DPF3: variants seen among roughly 807,000 people sequenced by gnomAD.
DPF3 encodes the protein double PHD fingers 3.
A neutral mutation model predicts 56.8 loss-of-function variants in DPF3; 18 were observed. The ratio of observed to expected loss-of-function variants is 0.32; its 90% CI spans 0.22 to 0.47. The LOEUF is 0.47. DPF3 is among the 20% of genes least tolerant of loss of function. The probability of loss-of-function intolerance (pLI) is 1.00; values close to 1 mark genes in which losing one functional copy is unlikely to be tolerated. For missense variants in DPF3, 403 were observed against 488.8 expected (o/e 0.82, Z 1.65); for synonymous variants, 188 against 180.2 (o/e 1.04, Z -0.35).
chr14:72,765,066 C>T (rs1175195422), intron 2 of DPF3, among the ~76,000 whole-genome samples: 1 of 152,198 alleles, frequency 6.6e-6, no homozygotes, highest in African/African-American at 2.4e-5. Flanking sequence ...CACACATCTG[C>T]TCACAGAAAT....
intron 1 of DPF3, among the ~76,000 whole-genome samples, chr14:72,787,682 A>C (rs2139976036): frequency 6.6e-6 from 1 of 152,250 alleles, no homozygotes; most frequent in South Asian, 2.1e-4. Flanking sequence ...TTGGCTGATA[A>C]ATGATAAAGT....
intron 5 of DPF3, among the ~76,000 whole-genome samples, chr14:72,722,468 A>G (rs927377636): frequency 2.6e-5 from 4 of 152,178 alleles, no homozygotes; most frequent in African/African-American, 7.2e-5. Flanking sequence ...CTAAAGCAGA[A>G]TTTCTGAGTG....
intron 1 of DPF3, among the ~76,000 whole-genome samples, chr14:72,773,481 C>G (rs917965945): frequency 6.6e-6 from 1 of 152,178 alleles, no homozygotes; most frequent in Non-Finnish European, 1.5e-5. Context: ...AATTTCCCAT[C>G]TTAAGTGTAC....
intron 1 of DPF3, among the ~76,000 whole-genome samples, chr14:72,778,994 A>G (rs925191724): frequency 6.6e-6 from 1 of 152,214 alleles, no homozygotes; most frequent in African/African-American, 2.4e-5. Context: ...ATCAGCGTCA[A>G]TATGAAGGCC....
chr14:72,738,758 A>C (rs1407350429), intron 3 of DPF3, among the ~76,000 whole-genome samples: 2 of 152,202 alleles, frequency 1.3e-5, no homozygotes, highest in African/African-American at 4.8e-5. Context: ...AAGAGAGTCA[A>C]TCTTAAATGT....
chr14:72,693,725 C>A (rs1448566529), intron 6 of DPF3, among the ~76,000 whole-genome samples: 1 of 152,196 alleles, frequency 6.6e-6, no homozygotes, highest in African/African-American at 2.4e-5. Flanking sequence ...AAGTGACTTG[C>A]CCAGGAGCAC....
rs558647453 is a variant in DPF3, at chr14:72,792,577, G to A, written c.33-20684C>T. On this transcript the variant is annotated intron_variant, in intron 1 of 10. Coordinates refer to ENST00000556509, the MANE Select transcript of DPF3 (RefSeq NM_001280542.3). ...CACACCATGGACTCCTGGAGAACCC[G>A]GCTCAGCACAGCCTCCCGACCTTGG... Among the ~76,000 whole-genome samples, 7 of 152,192 alleles carry A rather than the reference G, an allele frequency of 4.6e-5. No homozygotes were observed. The East Asian group carries it at 7.7e-4, about 17-fold the overall frequency.
rs1883805883 is a variant in DPF3, at chr14:72,612,628, C to T, written c.*6669G>A. On this transcript the variant is annotated 3_prime_UTR_variant, in exon 11 of 11. Coordinates refer to ENST00000556509, the MANE Select transcript of DPF3 (RefSeq NM_001280542.3). The stretch of plus-strand genomic sequence containing the variant: ...GAGGGCAGGAGGAGAATCAGGGTCT[C>T]AGTGGGGAGTAGACATGGAAGGGCA... The T allele has an allele frequency of 1.9e-6, 1 of 518,742 alleles. No homozygotes were observed. The highest frequency in any genetic ancestry group is 3.8e-6 in the Non-Finnish European group (1 of 259,832). 32.1% of individuals were successfully genotyped at this position (518,742 alleles called of 1,614,324 possible). A position where few individuals can be genotyped will look rare whatever the true frequency, so the allele number is the denominator to read the frequency against.
intron 1 of DPF3, among the ~76,000 whole-genome samples, chr14:72,881,091 A>G (rs1886304179): frequency 6.6e-6 from 1 of 152,238 alleles, no homozygotes; most frequent in South Asian, 2.1e-4. Flanking sequence ...ACGTACATCC[A>G]GTCCTTCCCT....
At chr14:72,867,024 C>T (rs1478095321) in intron 1 of DPF3, among the ~76,000 whole-genome samples, 1 of 138,230 alleles carries the variant, frequency 7.2e-6, no homozygotes, top group Non-Finnish European at 1.7e-5. Context: ...GGCCTAGGTG[C>T]CCAAATACTG....
At chr14:72,893,475 C>T (rs1324111823) in intron 1 of DPF3, among the ~76,000 whole-genome samples, 1 of 152,124 alleles carries the variant, frequency 6.6e-6, no homozygotes, top group African/African-American at 2.4e-5. Context: ...GCTTCCCCCG[C>T]GGTGCTCCAA....
intron 1 of DPF3, among the ~76,000 whole-genome samples, chr14:72,830,777 A>G (rs1884019469): frequency 6.6e-6 from 1 of 152,226 alleles, no homozygotes; most frequent in Admixed American, 6.5e-5. Flanking sequence ...TGGACTTTCA[A>G]TAAACACTTA....
At chr14:72,710,739 C>CT (rs1418594933) in intron 6 of DPF3, among the ~76,000 whole-genome samples, 1 of 152,162 alleles carries the variant, frequency 6.6e-6, no homozygotes, top group African/African-American at 2.4e-5. Flanking sequence ...TATTCAGTTG[C>CT]TTTTTTTGTG....
chr14:72,785,426 C>T (rs1892170764), intron 1 of DPF3, among the ~76,000 whole-genome samples: 1 of 152,228 alleles, frequency 6.6e-6, no homozygotes. Context: ...TCTATGTGGC[C>T]TTGTTAATAC....
chr14:72,825,428 A>G (rs563991889), intron 1 of DPF3, among the ~76,000 whole-genome samples: 2 of 152,358 alleles, frequency 1.3e-5, no homozygotes, highest in South Asian at 4.1e-4. Context: ...TGAGTGCCTA[A>G]TACCTGCCAA....
chr14:72,618,638 G>T lies in DPF3; in HGVS notation c.*659C>A, dbSNP rs1302009195. Among the ~76,000 whole-genome samples, 2 of 152,030 alleles carry T rather than the reference G, an allele frequency of 1.3e-5. No individual in the cohort carries two copies. The highest frequency in any genetic ancestry group is 3.9e-4 in the East Asian group (2 of 5,194). On this transcript the variant is annotated 3_prime_UTR_variant, in exon 11 of 11. Transcript: ENST00000556509. Reference sequence around the variant, plus strand: ...AATGTTTCCTCCCATGTCTCTGCGCGTCTCCCTCCCTCCCCGCCCCCATCT... The same window carrying T: ...AATGTTTCCTCCCATGTCTCTGCGCTTCTCCCTCCCTCCCCGCCCCCATCT...
chr14:72,874,055 T>C (rs1258548515), intron 1 of DPF3, among the ~76,000 whole-genome samples: 4 of 127,906 alleles, frequency 3.1e-5, no homozygotes. Flanking sequence ...ACATGTACCC[T>C]AAAACTTAAA....
At chr14:72,637,096 A>G (rs190926128) in intron 8 of DPF3, among the ~76,000 whole-genome samples, 1 of 152,372 alleles carries the variant, frequency 6.6e-6, no homozygotes, top group East Asian at 1.9e-4. Flanking sequence ...AAATAACCAT[A>G]CAAAGCACAT....
At chr14:72,683,668 G>A (rs1887269620) in intron 7 of DPF3, among the ~76,000 whole-genome samples, 1 of 152,304 alleles carries the variant, frequency 6.6e-6, no homozygotes, top group East Asian at 1.9e-4. Flanking sequence ...GAGGGGAGGT[G>A]AGTCGGAGAG....
Sources: gnomAD v4.1 joint callset for allele counts (sites outside exome capture counted in the v4.1 genomes callset) on GRCh38, gnomAD v4.1.1 for gene constraint, MANE v1.5 for transcripts, NCBI Gene and HGNC (gene_info 2026-07-23, HGNC 2026-07-21) for gene names.